The following CNNM1 variants were observed in gnomAD, a reference collection of about 807,000 sequenced individuals.
The protein encoded by CNNM1 is cyclin and CBS domain divalent metal cation transport mediator 1, also known as metal transporter CNNM1.
In CNNM1, 44 loss-of-function variants were observed where a neutral mutation model predicts 78.8. The ratio of observed to expected loss-of-function variants is 0.56; its 90% CI spans 0.44 to 0.72. CNNM1 has a LOEUF of 0.72. Among genes scored for constraint, CNNM1 ranks in the 30% least tolerant of loss-of-function variants. The pLI, the probability that CNNM1 is intolerant of heterozygous loss-of-function variation, is 0.00. For missense variants in CNNM1, 1,101 were observed against 1,292.2 expected (o/e 0.85, Z 2.27); for synonymous variants, 584 against 581.5 (o/e 1.00, Z -0.06).
chr10:99,348,529 G>T (rs2030804617), intron 1 of CNNM1, among the ~76,000 whole-genome samples: 1 of 152,172 alleles, frequency 6.6e-6, no homozygotes, highest in South Asian at 2.1e-4. Context: ...AAAGGAAGAA[G>T]AATTGAAAGA....
At chr10:99,356,562 C>CAGAAAGAAAGAAAGAAAGAAAAGAAAGAA (rs2031187219) in intron 1 of CNNM1, among the ~76,000 whole-genome samples, 3 of 98,444 alleles carry the variant, frequency 3.0e-5, no homozygotes, top group South Asian at 3.6e-4. Flanking sequence ...GACAGACAGA[C>CAGAAAGAAAGAAAGAAAGAAAAGAAAGAA]AGAAAGAAAG....
rs397955419 is a variant in CNNM1 at position 99,348,050 on chromosome 10, A to ATTT, written c.1574-9452_1574-9450dup. On this transcript the variant is annotated intron_variant, in intron 1 of 10. Coordinates refer to ENST00000356713, the MANE Select transcript of CNNM1 (RefSeq NM_020348.3). ...TGTGTGTGTGTGTGTATATATATAT[A>ATTT]TTTTTTTTTTTTGAGACAACATCTC... Among the ~76,000 whole-genome samples, 60 of 131,682 alleles carry ATTT rather than the reference A, an allele frequency of 4.6e-4. 1 individual carries two copies. Among genetic ancestry groups the ATTT allele is most frequent in the African/African-American group, 1.4e-3 (47 of 33,990 alleles). 86.4% of individuals were successfully genotyped at this position (131,682 alleles called of 152,430 possible). A position where few individuals can be genotyped will look rare whatever the true frequency, so the allele number is the denominator to read the frequency against.
At chr10:99,340,860 C>T (rs1452647103) in intron 1 of CNNM1, among the ~76,000 whole-genome samples, 6 of 86,244 alleles carry the variant, frequency 7.0e-5, no homozygotes, top group Non-Finnish European at 1.0e-4. Flanking sequence ...TCTCCTTCCC[C>T]GCTTCCTTCC....
chr10:99,338,184 G>A (rs934381536), intron 1 of CNNM1, among the ~76,000 whole-genome samples: 11 of 152,058 alleles, frequency 7.2e-5, no homozygotes, highest in African/African-American at 2.7e-4. Flanking sequence ...ATAAGTACAG[G>A]ATATGGGTAA....
Position 99,388,184 on chromosome 10 carries a change from G to T in CNNM1, c.2557G>T (p.Glu853Ter). 1 of 1,613,976 alleles carries T rather than the reference G, an allele frequency of 6.2e-7. No homozygotes were observed. The highest frequency in any genetic ancestry group is 1.3e-5 in the African/African-American group (1 of 75,076). ...CTCAGACGGGCTGAGAAGCCCCAGCGAGGTAGTGTACCTGAGGATGGAGGA... is the reference window on the plus strand; with the variant it reads ...CTCAGACGGGCTGAGAAGCCCCAGCTAGGTAGTGTACCTGAGGATGGAGGA... Reference protein sequence around the residue: ...SRSDGLRSPSEVVYLRMEELA... With the variant: ...SRSDGLRSPS The change falls in exon 9 of 11, where the codon GAG becomes TAG. Residue 853 changes from glutamate to a stop codon, truncating the protein, a stop_gained. Transcript: ENST00000356713. LOFTEE classifies it high-confidence loss of function.
intron 7 of CNNM1, among the ~76,000 whole-genome samples, chr10:99,380,324 G>C (rs1418008570): frequency 6.6e-6 from 1 of 152,146 alleles, no homozygotes; most frequent in African/African-American, 2.4e-5. Context: ...TGAAGATTTG[G>C]TTTGCTGCTT....
intron 1 of CNNM1, among the ~76,000 whole-genome samples, chr10:99,343,089 A>G (rs1465373280): frequency 6.6e-5 from 10 of 151,948 alleles, no homozygotes; most frequent in Non-Finnish European, 4.4e-5. Flanking sequence ...CCTCAGCCTA[A>G]GTAGCTGGGA....
At chr10:99,374,054 T>A (rs1041587992) in intron 6 of CNNM1, among the ~76,000 whole-genome samples, 52 of 152,376 alleles carry the variant, frequency 3.4e-4, no homozygotes, top group African/African-American at 1.2e-3. Flanking sequence ...GTATCTTTTT[T>A]ACATAATTTC....
intron 3 of CNNM1, 110 bp downstream of exon 3, chr10:99,361,085 T>G: frequency 8.4e-7 from 1 of 1,191,134 alleles, no homozygotes; most frequent in Non-Finnish European, 1.1e-6. Flanking sequence ...CTGTCAGGAC[T>G]GAGAAGCACT....
intron 1 of CNNM1, among the ~76,000 whole-genome samples, chr10:99,345,028 G>A (rs1005082543): frequency 6.6e-6 from 1 of 152,212 alleles, no homozygotes; most frequent in African/African-American, 2.4e-5. Flanking sequence ...AGTCTGCATT[G>A]TGTTGGAAAG....
chr10:99,349,489 TC>T (rs2030848778), intron 1 of CNNM1, among the ~76,000 whole-genome samples: 1 of 152,180 alleles, frequency 6.6e-6, no homozygotes, highest in African/African-American at 2.4e-5. Flanking sequence ...GACCAGGATT[TC>T]TGATACCCAA....
At chr10:99,376,988 C>T (rs1365500036) in intron 6 of CNNM1, 67 bp from the exon 7 acceptor site, 3 of 1,263,076 alleles carry the variant, frequency 2.4e-6, no homozygotes, top group East Asian at 5.3e-5. Flanking sequence ...TCCCTGTCTC[C>T]CTCCCTCCCC....
intron 2 of CNNM1, among the ~76,000 whole-genome samples, chr10:99,359,616 C>G (rs964014650): frequency 5.9e-5 from 9 of 152,098 alleles, no homozygotes; most frequent in African/African-American, 2.2e-4. Context: ...CAGGAGGGCA[C>G]TTTGACCCTT....
rs2032486254 is a variant in CNNM1, at chr10:99,391,996, G to A, written c.*480G>A. 1 of 157,066 alleles carries A rather than the reference G, an allele frequency of 6.4e-6. No homozygotes were observed. The highest frequency in any genetic ancestry group is 6.1e-5 in the Admixed American group (1 of 16,446). The allele number at this position is 157,066 out of a possible 1,614,324, so 9.7% of individuals were successfully genotyped here. A position where few individuals can be genotyped will look rare whatever the true frequency, so the allele number is the denominator to read the frequency against. On this transcript the variant is annotated 3_prime_UTR_variant, in exon 11 of 11. Transcript: ENST00000356713. ...GCAGACAGGCACATGGGAGGCTGGA[G>A]TAGGAGGTCTGAAGATTAGTTCAGG... is the stretch of plus-strand genomic sequence containing the variant.
intron 1 of CNNM1, among the ~76,000 whole-genome samples, chr10:99,332,318 C>T (rs2029954894): frequency 6.6e-6 from 1 of 152,000 alleles, no homozygotes; most frequent in Non-Finnish European, 1.5e-5. Context: ...AAACAAAAAC[C>T]AAAAAAATCA....
intron 1 of CNNM1, among the ~76,000 whole-genome samples, 167 bp from the exon 2 acceptor site, chr10:99,357,345 G>A (rs1258194567): frequency 2.0e-5 from 3 of 152,164 alleles, no homozygotes; most frequent in East Asian, 1.9e-4. Context: ...GCATTTATAA[G>A]CCCTTGCATT....
intron 1 of CNNM1, among the ~76,000 whole-genome samples, chr10:99,349,609 A>G (rs1285972943): frequency 5.9e-5 from 9 of 152,204 alleles, no homozygotes; most frequent in Non-Finnish European, 8.8e-5. Flanking sequence ...AAGTGATACC[A>G]TGTTTCCAAT....
At chr10:99,364,818 G>A (rs1212073313) in intron 5 of CNNM1, 137 bp from the exon 6 acceptor site, 4 of 797,398 alleles carry the variant, frequency 5.0e-6, no homozygotes, top group Non-Finnish European at 7.9e-6. Flanking sequence ...TTTTATACTT[G>A]TTCCCTACCC....
intron 6 of CNNM1, among the ~76,000 whole-genome samples, chr10:99,367,574 T>C (rs778082195): frequency 5.3e-5 from 8 of 152,206 alleles, no homozygotes; most frequent in Non-Finnish European, 1.2e-4. Context: ...TTTAGAACTA[T>C]GATTCTTCTT....
Sources: allele counts gnomAD v4.1 joint callset (sites outside exome capture counted in the v4.1 genomes callset), GRCh38; gene constraint gnomAD v4.1.1; transcripts MANE v1.5; gene names NCBI Gene and HGNC (gene_info 2026-07-23, HGNC 2026-07-21).